The following CCDC186 variants were observed in gnomAD, a reference collection of about 807,000 sequenced individuals.
CCDC186 encodes coiled-coil domain-containing protein 186.
Under a neutral mutation model 113.7 loss-of-function variants are expected in CCDC186, and 49 were observed. The ratio of observed to expected loss-of-function variants is 0.43; its 90% CI spans 0.34 to 0.55. The LOEUF is 0.55. Among genes scored for constraint, CCDC186 ranks in the 20% least tolerant of loss-of-function variants. CCDC186 has a pLI of 0.02. For missense variants in CCDC186, 890 were observed against 1,011.1 expected (o/e 0.88, Z 1.62); for synonymous variants, 355 against 345.8 (o/e 1.03, Z -0.30).
At chr10:114,156,234 T>C (rs1026016328) in intron 3 of CCDC186, among the ~76,000 whole-genome samples, 2 of 152,316 alleles carry the variant, frequency 1.3e-5, no homozygotes, top group African/African-American at 4.8e-5. Context: ...AAGTGAAAAA[T>C]TGTTTTACCA....
At chr10:114,146,590 A>G (rs148105948) in intron 4 of CCDC186, among the ~76,000 whole-genome samples, 2 of 152,362 alleles carry the variant, frequency 1.3e-5, no homozygotes, top group South Asian at 2.1e-4. Context: ...ACTCATTTAA[A>G]AATTTTCTAT....
chr10:114,156,485 C>G (rs761107450), intron 3 of CCDC186, among the ~76,000 whole-genome samples: 22 of 152,108 alleles, frequency 1.4e-4, no homozygotes, highest in Non-Finnish European at 3.1e-4. Context: ...AACTGGGAGG[C>G]CAGGCCAAGG....
At chr10:114,136,466 A>G (rs1399705362) in intron 7 of CCDC186, among the ~76,000 whole-genome samples, 4 of 152,212 alleles carry the variant, frequency 2.6e-5, no homozygotes, top group African/African-American at 9.6e-5. Context: ...TGTTTATGTA[A>G]AATTAAATGA....
chr10:114,172,213 C>T (rs185582869), intron 1 of CCDC186, among the ~76,000 whole-genome samples: 1 of 152,302 alleles, frequency 6.6e-6, no homozygotes, highest in East Asian at 1.9e-4. Flanking sequence ...GTGCAGATTA[C>T]CAGTCCTTCT....
At position 114,167,650 on chromosome 10, in the gene CCDC186, T is replaced by C. The variant is rs192326313; in HGVS notation, c.-61-4321A>G. On this transcript the variant is annotated intron_variant, in intron 1 of 15. Coordinates refer to ENST00000369287, the MANE Select transcript of CCDC186 (RefSeq NM_018017.4). ...AGGGGAAGGATGTAAAACAAGACAT[T>C]AGTTGGCAAGATTATTTTAATTTAA... Among the ~76,000 whole-genome samples, 148 of 151,824 alleles carry C rather than the reference T, an allele frequency of 9.7e-4. 2 individuals carry two copies. The highest frequency in any genetic ancestry group is 3.4e-3 in the African/African-American group (140 of 41,392).
intron 6 of CCDC186, among the ~76,000 whole-genome samples, chr10:114,139,814 C>A (rs2031409454): frequency 6.6e-6 from 1 of 152,064 alleles, no homozygotes; most frequent in Non-Finnish European, 1.5e-5. Context: ...AGAGAAGGAA[C>A]TTTATATATG....
Position 114,162,869 on chromosome 10 carries a change from T to G in CCDC186, c.400A>C (p.Lys134Gln). The G allele has an allele frequency of 6.2e-7, 1 of 1,614,020 alleles. No individual in the cohort carries two copies. The highest frequency in any genetic ancestry group is 8.5e-7 in the Non-Finnish European group (1 of 1,179,936). ...SSTFPESANE[K>Q]TYSESPYDTD... ...TCATAGGGGCTTTCTGAATAAGTCT[T>G]TTCATTAGCTGATTCTGGAAATGTA... is the stretch of plus-strand genomic sequence containing the variant. Residue 134 changes from lysine to glutamine, a missense_variant, in exon 2 of 16, where the codon AAG (lysine) becomes CAG (glutamine). Transcript: ENST00000369287.
chr10:114,128,345 T>C (rs1029545040), intron 13 of CCDC186, among the ~76,000 whole-genome samples: 1 of 152,240 alleles, frequency 6.6e-6, no homozygotes, highest in African/African-American at 2.4e-5. Flanking sequence ...CTTTAAGTAA[T>C]ATATCTTATC....
intron 5 of CCDC186, 25 bp from the exon 6 acceptor site, chr10:114,144,641 T>C (rs760775818): frequency 1.3e-6 from 2 of 1,567,430 alleles, no homozygotes; most frequent in South Asian, 1.2e-5. Flanking sequence ...CTAGGTCATA[T>C]ATTTTCATTT....
chr10:114,137,423 TTA>T, intron 6 of CCDC186, 133 bp from the exon 7 acceptor site: 1 of 620,030 alleles, frequency 1.6e-6, no homozygotes, highest in Non-Finnish European at 2.8e-6. Context: ...CAATAATATT[TTA>T]TGTTTCTGAC....
At chr10:114,169,935 T>C (rs2032446161) in intron 1 of CCDC186, among the ~76,000 whole-genome samples, 1 of 152,208 alleles carries the variant, frequency 6.6e-6, no homozygotes, top group Non-Finnish European at 1.5e-5. Context: ...TCTCATTCTG[T>C]CATTCAGGCT....
At chr10:114,166,135 T>C (rs775263076) in intron 1 of CCDC186, among the ~76,000 whole-genome samples, 4 of 152,150 alleles carry the variant, frequency 2.6e-5, no homozygotes, top group Non-Finnish European at 5.9e-5. Flanking sequence ...GGAGACCCAG[T>C]AAGGAAAAAA....
intron 10 of CCDC186, among the ~76,000 whole-genome samples, chr10:114,134,587 A>G (rs925772227): frequency 1.3e-5 from 2 of 152,244 alleles, no homozygotes; most frequent in African/African-American, 4.8e-5. Context: ...GAAGATCTAG[A>G]GCAAGATTTA....
At position 114,124,589 on chromosome 10, in the gene CCDC186, C is replaced by G. The variant is rs945999277; in HGVS notation, c.*554G>C. 6.6e-6 allele frequency: 1 copy of G among 152,184 alleles called. No individual in the cohort carries two copies. Among genetic ancestry groups the G allele is most frequent in the African/African-American group, 2.4e-5 (1 of 41,434 alleles). The allele number at this position is 152,184 out of a possible 1,614,324, so 9.4% of individuals were successfully genotyped here. On this transcript the variant is annotated 3_prime_UTR_variant, in exon 16 of 16. Transcript: ENST00000369287. ...CCTGATCATTGCTAGTTACCAAGAG[C>G]TAGCTTTCCTATTAAGTTCAGCTTT...
At chr10:114,132,475 T>C (rs528521251) in intron 10 of CCDC186, among the ~76,000 whole-genome samples, 161 of 152,310 alleles carry the variant, frequency 1.1e-3, no homozygotes, top group African/African-American at 3.6e-3. Context: ...CTAGTGTAAG[T>C]GATGCTCAAA....
intron 14 of CCDC186, 128 bp downstream of exon 14, chr10:114,127,333 G>T (rs997557933): frequency 2.0e-5 from 17 of 837,746 alleles, no homozygotes; most frequent in African/African-American, 1.4e-4. Flanking sequence ...ATAAAAGACT[G>T]GGAACTGAAT....
chr10:114,146,017 G>A (rs1266075778), intron 4 of CCDC186, among the ~76,000 whole-genome samples: 1 of 152,014 alleles, frequency 6.6e-6, no homozygotes, highest in Non-Finnish European at 1.5e-5. Flanking sequence ...TATTTTCCAC[G>A]TACTCCTCCA....
chr10:114,131,069 C>T, intron 12 of CCDC186, 78 bp downstream of exon 12: 1 of 1,202,856 alleles, frequency 8.3e-7, no homozygotes, highest in South Asian at 2.4e-5. Context: ...ATCAATGTGG[C>T]AGAATCACAA....
rs545334897 is a variant in CCDC186, at chr10:114,135,104, A to G, written c.1513-49T>C. 87 of 1,538,670 alleles carry G rather than the reference A, an allele frequency of 5.7e-5. 2 individuals are homozygous for G. The South Asian group carries it at 1.0e-3, about 18-fold the overall frequency. ...TACAAACCATGTATTCTTGTTCTTT[A>G]TAAACTATTTTGTATAGTGGTTACA... On this transcript the variant is annotated intron_variant, in intron 9 of 15. Coordinates refer to ENST00000369287, the MANE Select transcript of CCDC186 (RefSeq NM_018017.4).
Sources: allele counts gnomAD v4.1 joint callset (sites outside exome capture counted in the v4.1 genomes callset), GRCh38; gene constraint gnomAD v4.1.1; transcripts MANE v1.5; gene names NCBI Gene and HGNC (gene_info 2026-07-23, HGNC 2026-07-21).